The following OR7E24 variants were observed in gnomAD, a reference collection of about 807,000 sequenced individuals.
OR7E24 encodes the protein olfactory receptor 7E24.
For synonymous variants in OR7E24, 130 were observed against 157.5 expected (o/e 0.83, Z 1.31); for missense variants, 385 against 410.3 (o/e 0.94, Z 0.53).
chr19:9,237,003 G>A, the OR7E24 span, among the ~76,000 whole-genome samples: 1 of 152,072 alleles, frequency 6.6e-6, no homozygotes, highest in Non-Finnish European at 1.5e-5. Context: ...AGTTGAGGTC[G>A]GCTATATCAG....
chr19:9,236,420 G>A, the OR7E24 span, among the ~76,000 whole-genome samples: 61 of 152,130 alleles, frequency 4.0e-4, no homozygotes, highest in African/African-American at 1.3e-3. Flanking sequence ...TGAGGCAGGA[G>A]AATCGCTTGA....
chr19:9,245,795 T>C (rs534773514), upstream of OR7E24, among the ~76,000 whole-genome samples: 52 of 152,214 alleles, frequency 3.4e-4, 2 homozygotes, highest in South Asian at 9.7e-3. Context: ...CGAAAACGAG[T>C]TGACCTTTTT....
the OR7E24 span, chr19:9,235,346 T>G: frequency 7.3e-7 from 1 of 1,367,048 alleles, no homozygotes; most frequent in Non-Finnish European, 1.0e-6. Flanking sequence ...AACTTGTCCT[T>G]TGTGGACACC....
chr19:9,216,921 T>C, the OR7E24 span, among the ~76,000 whole-genome samples: 1 of 152,190 alleles, frequency 6.6e-6, no homozygotes, highest in Non-Finnish European at 1.5e-5. Context: ...TTACAATAAA[T>C]CTGTCTTTCA....
the OR7E24 span, among the ~76,000 whole-genome samples, chr19:9,236,383 G>A: frequency 1.3e-5 from 2 of 151,940 alleles, no homozygotes; most frequent in African/African-American, 2.4e-5. Flanking sequence ...GGTGGCACAC[G>A]CCTGTAGTCC....
At chr19:9,236,828 G>T in the OR7E24 span, among the ~76,000 whole-genome samples, 1 of 152,022 alleles carries the variant, frequency 6.6e-6, no homozygotes, top group African/African-American at 2.4e-5. Context: ...GATTTTGCTC[G>T]TTATCCCTGG....
At chr19:9,225,481 AGAAG>A in the OR7E24 span, among the ~76,000 whole-genome samples, 6 of 147,458 alleles carry the variant, frequency 4.1e-5, no homozygotes, top group South Asian at 4.2e-4. Context: ...AAGGAAGGAA[AGAAG>A]GAAGGAAGGA....
chr19:9,222,022 ATTC>A, the OR7E24 span, among the ~76,000 whole-genome samples: 1 of 152,170 alleles, frequency 6.6e-6, no homozygotes, highest in Non-Finnish European at 1.5e-5. Context: ...ACCTAATTTC[ATTC>A]TTCTCTGCCT....
At chr19:9,219,048 C>G in the OR7E24 span, among the ~76,000 whole-genome samples, 1 of 152,226 alleles carries the variant, frequency 6.6e-6, no homozygotes, top group African/African-American at 2.4e-5. Context: ...AACATAACAG[C>G]TAGTAAGTGC....
chr19:9,214,123 A>C, the OR7E24 span: 1 of 1,614,156 alleles, frequency 6.2e-7, no homozygotes, highest in East Asian at 2.2e-5. Flanking sequence ...CCACAGGTGG[A>C]AAAGGCTTTG....
the OR7E24 span, among the ~76,000 whole-genome samples, chr19:9,230,285 T>A: frequency 6.6e-6 from 1 of 152,074 alleles, no homozygotes; most frequent in Admixed American, 6.6e-5. Flanking sequence ...CCTCAGGTGA[T>A]CCCCCTGCTT....
the OR7E24 span, among the ~76,000 whole-genome samples, chr19:9,227,943 C>T: frequency 2.0e-5 from 3 of 151,022 alleles, no homozygotes; most frequent in South Asian, 2.1e-4. Context: ...TTAGTAGAGA[C>T]GGGGTTTCAC....
rs10424262 is a variant in OR7E24 at position 9,252,392 on chromosome 19, C to G, written c.*329C>G. On this transcript the variant is annotated 3_prime_UTR_variant, in exon 1 of 1. Coordinates refer to ENST00000456448, the MANE Select transcript of OR7E24 (RefSeq NM_001079935.2). ...GGAAACTGCAACTTTAAAAAAAAAGCGCAGCAGGTCCTGAAATAAGTTCAT... is the reference window on the plus strand; with the variant it reads ...GGAAACTGCAACTTTAAAAAAAAAGGGCAGCAGGTCCTGAAATAAGTTCAT... The G allele has an allele frequency of 5.7e-6, 1 of 174,540 alleles. No individual in the cohort carries two copies. Among genetic ancestry groups the G allele is most frequent in the South Asian group, 1.7e-4 (1 of 5,918 alleles). 10.8% of individuals were successfully genotyped at this position (174,540 alleles called of 1,614,324 possible).
chr19:9,232,653 A>G, the OR7E24 span, among the ~76,000 whole-genome samples: 2 of 151,998 alleles, frequency 1.3e-5, no homozygotes, highest in Admixed American at 6.6e-5. Context: ...GCTTATCTAT[A>G]AAATCCCATG....
the OR7E24 span, chr19:9,206,777 C>T: frequency 6.6e-6 from 1 of 152,106 alleles, no homozygotes; most frequent in Admixed American, 6.6e-5. Context: ...TTTCACAGTT[C>T]GTGTGGAAAT....
At chr19:9,250,038 A>C (rs2066140869), upstream of OR7E24, among the ~76,000 whole-genome samples, 1 of 152,202 alleles carries the variant, frequency 6.6e-6, no homozygotes, top group Non-Finnish European at 1.5e-5. Context: ...CACTATCAAC[A>C]TCTTTGCTAT....
the OR7E24 span, among the ~76,000 whole-genome samples, chr19:9,237,230 C>T: frequency 2.6e-5 from 4 of 152,028 alleles, no homozygotes; most frequent in Admixed American, 6.6e-5. Context: ...TTCTATCCTT[C>T]CTCCTTTCTC....
At chr19:9,215,779 T>A in the OR7E24 span, among the ~76,000 whole-genome samples, 2 of 152,220 alleles carry the variant, frequency 1.3e-5, no homozygotes, top group African/African-American at 4.8e-5. Context: ...GATATATAAC[T>A]CTTCCAAGGT....
upstream of OR7E24, among the ~76,000 whole-genome samples, chr19:9,243,785 G>A (rs8103697): frequency 6.6e-6 from 1 of 152,030 alleles, no homozygotes; most frequent in Non-Finnish European, 1.5e-5. Context: ...ACCTCAGAGG[G>A]TTTATCTGAG....
Sources: allele counts gnomAD v4.1 joint callset (sites outside exome capture counted in the v4.1 genomes callset), GRCh38; gene constraint gnomAD v4.1.1; transcripts MANE v1.5; gene names NCBI Gene and HGNC (gene_info 2026-07-23, HGNC 2026-07-21).